OR1M1: variants seen among roughly 807,000 people sequenced by gnomAD.
OR1M1 encodes the protein olfactory receptor 1M1.
For synonymous variants in OR1M1, 157 were observed against 165.5 expected, an observed-to-expected ratio of 0.95 and a Z score of 0.39; for missense variants, 397 against 401.8, an observed-to-expected ratio of 0.99 and a Z score of 0.10.
In OR1M1 at chr19:9,093,609, G is replaced by T. The variant is rs139156930; in HGVS notation, c.365G>T (p.Arg122Leu). The T allele has an allele frequency of 6.2e-6, 10 of 1,614,078 alleles. 1 individual carries two copies. The East Asian group carries it at 6.7e-5, about 11-fold the overall frequency. Reference sequence around the variant, plus strand: ...ATAATCGCCATGATGGCTTATGACCGGTTCGTGGCCATCTGCCACCCATTG... The same window carrying T: ...ATAATCGCCATGATGGCTTATGACCTGTTCGTGGCCATCTGCCACCCATTG... ...SVIIAMMAYD[R>L]FVAICHPLHY... Residue 122 changes from arginine (R) to leucine (L), a missense_variant, in exon 2 of 2, where the codon CGG (arginine) becomes CTG (leucine). Coordinates refer to ENST00000641627, the MANE Select transcript of OR1M1 (RefSeq NM_001004456.2).
At chr19:9,088,873 A>T (rs567626907) in intron 1 of OR1M1, among the ~76,000 whole-genome samples, 1 of 108,846 alleles carries the variant, frequency 9.2e-6, no homozygotes, top group East Asian at 2.9e-4. Context: ...GAGCAACAAG[A>T]GCGAAACTCT....
intron 1 of OR1M1, among the ~76,000 whole-genome samples, chr19:9,089,772 C>T (rs570000500): frequency 2.2e-4 from 33 of 152,218 alleles, no homozygotes; most frequent in African/African-American, 6.5e-4. Flanking sequence ...CAACAGTTTT[C>T]GGAGTGCTCT....
At chr19:9,087,473 T>TG (rs2050270682) in intron 1 of OR1M1, among the ~76,000 whole-genome samples, 1 of 151,506 alleles carries the variant, frequency 6.6e-6, no homozygotes, top group Non-Finnish European at 1.5e-5. Context: ...CCCACCGAGA[T>TG]GGAGTTTTGC....
intron 1 of OR1M1, among the ~76,000 whole-genome samples, chr19:9,090,962 C>T (rs559350376): frequency 1.4e-4 from 21 of 151,674 alleles, no homozygotes; most frequent in South Asian, 4.2e-4. Context: ...GTCAGGAGAT[C>T]AAGACCATCC....
intron 1 of OR1M1, among the ~76,000 whole-genome samples, chr19:9,092,923 A>G (rs958533584): frequency 1.3e-5 from 2 of 149,140 alleles, no homozygotes; most frequent in Admixed American, 6.8e-5. Context: ...ATATGTATAT[A>G]TACATAATAT....
rs572607972 is a variant in OR1M1, at chr19:9,093,109, C to CACATATAT, written c.-13-122_-13-121insCATATATA. 1,123 of 492,042 alleles carry CACATATAT rather than the reference C, an allele frequency of 2.3e-3. 22 individuals carry two copies. Among genetic ancestry groups the CACATATAT allele is most frequent in the African/African-American group, 0.022 (1,049 of 48,086 alleles). The allele number at this position is 492,042 out of a possible 1,614,324, so 30.5% of individuals were successfully genotyped here. A position where few individuals can be genotyped will look rare whatever the true frequency, so the allele number is the denominator to read the frequency against. On this transcript the variant is annotated intron_variant, in intron 1 of 1. Coordinates refer to ENST00000641627, the MANE Select transcript of OR1M1 (RefSeq NM_001004456.2). ...ACACACACACACACACACACACACA[C>CACATATAT]ATATATATATATACACATCTGGTCT... is the stretch of plus-strand genomic sequence containing the variant.
chr19:9,093,104 A>ACG (rs2050303194), intron 1 of OR1M1, 128 bp from the exon 2 acceptor site: 2 of 580,918 alleles, frequency 3.4e-6, no homozygotes, highest in Non-Finnish European at 6.1e-6. Flanking sequence ...ACACACACAC[A>ACG]CACACATATA....
rs1458527605 is a variant in OR1M1, at chr19:9,093,033, CTCTCTA to C, written c.-13-197_-13-192del. On this transcript the variant is annotated intron_variant, in intron 1 of 1. Transcript: ENST00000641627. ...ATTTACATATATTCTCTCTCTCTCT[CTCTCTA>C]TATATATATATATACACACACACAT... The C allele has an allele frequency of 2.3e-4, 73 of 322,118 alleles. No homozygotes were observed. The South Asian group carries it at 2.6e-3, about 11-fold the overall frequency. 20.0% of individuals were successfully genotyped at this position (322,118 alleles called of 1,614,324 possible).
intron 1 of OR1M1, among the ~76,000 whole-genome samples, chr19:9,090,189 A>G (rs981873122): frequency 6.6e-6 from 1 of 152,218 alleles, no homozygotes; most frequent in African/African-American, 2.4e-5. Context: ...TGCTGGTCAC[A>G]AAAATGAACA....
chr19:9,092,183 G>A (rs922920232), intron 1 of OR1M1, among the ~76,000 whole-genome samples: 81 of 141,442 alleles, frequency 5.7e-4, no homozygotes, highest in African/African-American at 2.0e-3. Context: ...CCCTCCCAAA[G>A]TGCTGTGATT....
chr19:9,090,255 T>C (rs1189596131), intron 1 of OR1M1, among the ~76,000 whole-genome samples: 1 of 152,206 alleles, frequency 6.6e-6, no homozygotes, highest in Non-Finnish European at 1.5e-5. Context: ...TGTATTTTCA[T>C]ATATTTGTCC....
intron 1 of OR1M1, among the ~76,000 whole-genome samples, chr19:9,092,355 A>G (rs946308029): frequency 6.6e-6 from 1 of 152,018 alleles, no homozygotes; most frequent in African/African-American, 2.4e-5. Context: ...GCACTTTGGA[A>G]GGCCTAGATG....
Position 9,093,256 on chromosome 19 carries a change from A to G in OR1M1, c.12A>G (p.Arg4=). The stretch of plus-strand genomic sequence containing the variant: ...GAGGAATCACACCCATGGAACCAAG[A>G]AACCAAACCAGTGCATCTCAATTCA... MEP[R]NQTSASQFIL... The change falls in exon 2 of 2, where the codon AGA becomes AGG. Residue 4 remains arginine, a synonymous_variant. Transcript: ENST00000641627. 1 of 1,606,220 alleles carries G rather than the reference A, an allele frequency of 6.2e-7. No homozygotes were observed. The highest frequency in any genetic ancestry group is 8.5e-7 in the Non-Finnish European group (1 of 1,176,200).
intron 1 of OR1M1, 123 bp from the exon 2 acceptor site, chr19:9,093,109 C>CACACACACACACACACAT (rs572607972): frequency 1.4e-5 from 7 of 492,380 alleles, no homozygotes; most frequent in African/African-American, 2.1e-5. Context: ...CACACACACA[C>CACACACACACACACACAT]ATATATATAT....
In OR1M1 at chr19:9,094,520, G is replaced by A. The variant is rs956353756; in HGVS notation, c.*334G>A. ...GATTACAGGTGTGAGCTACCACGCC[G>A]AGCCTCACTTTGAATTTTTTGTTTG... On this transcript the variant is annotated 3_prime_UTR_variant, in exon 2 of 2. Transcript: ENST00000641627. The A allele has an allele frequency of 9.1e-5, 18 of 197,934 alleles. No individual in the cohort carries two copies. The highest frequency in any genetic ancestry group is 1.2e-4 in the African/African-American group (5 of 42,672). 12.3% of individuals were successfully genotyped at this position (197,934 alleles called of 1,614,324 possible).
In OR1M1 at chr19:9,093,991, T is replaced by G; in HGVS notation, c.747T>G (p.Ala249=). 3.1e-6 allele frequency: 5 copies of G among 1,614,108 alleles called. No individual in the cohort carries two copies. Among genetic ancestry groups the G allele is most frequent in the Non-Finnish European group, 4.2e-6 (5 of 1,180,036 alleles). The change falls in exon 2 of 2, where the codon GCT becomes GCG. Residue 249 remains alanine, a synonymous_variant. Coordinates refer to ENST00000641627, the MANE Select transcript of OR1M1 (RefSeq NM_001004456.2). ...STCSSHLSVV[A]LFYGTTIGVY... Reference sequence around the variant, plus strand: ...GCAGCTCCCACCTGTCTGTGGTTGCTCTCTTCTATGGGACCACCATTGGCG... The same window carrying G: ...GCAGCTCCCACCTGTCTGTGGTTGCGCTCTTCTATGGGACCACCATTGGCG...
chr19:9,087,680 A>G (rs1383680123), intron 1 of OR1M1, among the ~76,000 whole-genome samples: 1 of 151,910 alleles, frequency 6.6e-6, no homozygotes, highest in Non-Finnish European at 1.5e-5. Context: ...CGAACACCTG[A>G]CCTCAGGTGA....
At chr19:9,091,039 C>T (rs1036819399) in intron 1 of OR1M1, among the ~76,000 whole-genome samples, 9 of 151,868 alleles carry the variant, frequency 5.9e-5, no homozygotes, top group Non-Finnish European at 8.8e-5. Context: ...TGGTGGTGGG[C>T]GCCTGTAGTC....
intron 1 of OR1M1, among the ~76,000 whole-genome samples, chr19:9,091,933 T>G (rs1293162149): frequency 6.6e-6 from 1 of 151,954 alleles, no homozygotes; most frequent in Non-Finnish European, 1.5e-5. Context: ...GTTATTGAGA[T>G]GTAGTCTTGC....
Sources: gnomAD v4.1 joint callset for allele counts (sites outside exome capture counted in the v4.1 genomes callset) on GRCh38, gnomAD v4.1.1 for gene constraint, MANE v1.5 for transcripts, NCBI Gene and HGNC (gene_info 2026-07-23, HGNC 2026-07-21) for gene names.